The following PTPRK variants were observed in gnomAD, a reference collection of about 807,000 sequenced individuals.
The protein encoded by PTPRK is receptor-type tyrosine-protein phosphatase kappa.
PTPRK carries 75 observed loss-of-function variants against 178.0 expected under a neutral mutation model. That is an observed-to-expected ratio of 0.42 (90% CI 0.35 to 0.51). The LOEUF (loss-of-function observed/expected upper bound fraction) is 0.51, where lower values mean the gene tolerates loss of function less well. Among genes scored for constraint, PTPRK ranks in the 20% least tolerant of loss-of-function variants. PTPRK has a pLI of 0.02. For missense variants in PTPRK, 1,441 were observed against 1,797.8 expected, an observed-to-expected ratio of 0.80 and a Z score of 3.59; for synonymous variants, 637 against 620.6, an observed-to-expected ratio of 1.03 and a Z score of -0.39.
intron 6 of PTPRK, among the ~76,000 whole-genome samples, chr6:128,216,547 A>AT: frequency 6.6e-6 from 1 of 151,986 alleles, no homozygotes; most frequent in East Asian, 1.9e-4. Flanking sequence ...AAAAATAAAA[A>AT]AAAAAAAAAA....
chr6:128,439,759 G>A (rs898981841), intron 1 of PTPRK, among the ~76,000 whole-genome samples: 2 of 152,128 alleles, frequency 1.3e-5, no homozygotes, highest in African/African-American at 2.4e-5. Flanking sequence ...CATCTGAATG[G>A]TTCCCAGAGT....
chr6:128,091,803 C>G (rs1396897693), intron 7 of PTPRK, among the ~76,000 whole-genome samples: 1 of 152,128 alleles, frequency 6.6e-6, no homozygotes, highest in Non-Finnish European at 1.5e-5. Context: ...TAAGTCATCA[C>G]TCTCTCACGC....
chr6:128,444,081 G>C (rs1348699380), intron 1 of PTPRK, among the ~76,000 whole-genome samples: 1 of 152,120 alleles, frequency 6.6e-6, no homozygotes, highest in African/African-American at 2.4e-5. Context: ...TTGAACTCCT[G>C]ACCTTGTGAT....
At chr6:128,233,459 C>T (rs946446414) in intron 5 of PTPRK, among the ~76,000 whole-genome samples, 3 of 152,312 alleles carry the variant, frequency 2.0e-5, no homozygotes, top group African/African-American at 4.8e-5. Flanking sequence ...TCACTGAGAA[C>T]GGTTGGTACA....
chr6:128,150,170 G>T (rs1797052865), intron 7 of PTPRK, among the ~76,000 whole-genome samples: 2 of 152,082 alleles, frequency 1.3e-5, no homozygotes. Context: ...CAGTAAACCA[G>T]ACTCAAAACT....
rs1174612862 is a variant in PTPRK, at chr6:128,464,620, C to CATATAT, written c.100+55633_100+55638dup. Among the ~76,000 whole-genome samples, 74 of 88,810 alleles carry CATATAT rather than the reference C, an allele frequency of 8.3e-4. 1 individual carries two copies. The highest frequency in any genetic ancestry group is 1.1e-3 in the Non-Finnish European group (52 of 45,558). The allele number at this position is 88,810 out of a possible 152,430, so 58.3% of individuals were successfully genotyped here. A position where few individuals can be genotyped will look rare whatever the true frequency, so the allele number is the denominator to read the frequency against. ...GTTTAAATATATATATATACATATACATATATATATATATACACATATATA... is the reference window on the plus strand; with the variant it reads ...GTTTAAATATATATATATACATATACATATATATATATATATATATACACATATATA... On this transcript the variant is annotated intron_variant, in intron 1 of 29. Transcript: ENST00000368226.
At chr6:127,997,125 T>G in intron 16 of PTPRK, 137 bp from the exon 17 acceptor site, 1 of 821,018 alleles carries the variant, frequency 1.2e-6, no homozygotes, top group Non-Finnish European at 1.9e-6. Context: ...CAAGTTTCAT[T>G]CTCAGACCTC....
At chr6:128,197,232 T>C (rs1367937587) in intron 6 of PTPRK, among the ~76,000 whole-genome samples, 12 of 149,686 alleles carry the variant, frequency 8.0e-5, no homozygotes, top group African/African-American at 2.7e-4. Flanking sequence ...TCAGGATACA[T>C]GTGCAGAACA....
chr6:128,407,633 C>CAAAAAAAAAAAAAAAAA (rs56189580), intron 1 of PTPRK, among the ~76,000 whole-genome samples: 1 of 97,774 alleles, frequency 1.0e-5, no homozygotes, highest in Non-Finnish European at 1.9e-5. Flanking sequence ...AAGACCCTAT[C>CAAAAAAAAAAAAAAAAA]AAAAAAAAAA....
At chr6:128,466,182 G>A (rs1234799410) in intron 1 of PTPRK, among the ~76,000 whole-genome samples, 1 of 152,138 alleles carries the variant, frequency 6.6e-6, no homozygotes, top group African/African-American at 2.4e-5. Flanking sequence ...AGCAACTACT[G>A]TCAGTTTACT....
rs1405576171 is a variant in PTPRK at position 128,210,383 on chromosome 6, G to A, written c.868+8539C>T. Among the ~76,000 whole-genome samples the A allele has an allele frequency of 4.4e-5, 4 of 91,362 alleles. No homozygotes were observed. The Admixed American group carries it at 4.7e-4, about 11-fold the overall frequency. 59.9% of individuals were successfully genotyped at this position (91,362 alleles called of 152,430 possible). On this transcript the variant is annotated intron_variant, in intron 6 of 29. Coordinates refer to ENST00000368226, the MANE Select transcript of PTPRK (RefSeq NM_002844.4). ...AACTCCGGAGGAAAAAAAAAAAACA[G>A]TAAAACAAAATCAATGAATTCTCTT... is the stretch of plus-strand genomic sequence containing the variant.
At chr6:128,217,764 T>G (rs910851081) in intron 6 of PTPRK, among the ~76,000 whole-genome samples, 1 of 152,050 alleles carries the variant, frequency 6.6e-6, no homozygotes, top group African/African-American at 2.4e-5. Flanking sequence ...ATACCCCTAC[T>G]TGGGCAACTT....
At chr6:128,078,706 C>T in intron 11 of PTPRK, 107 bp downstream of exon 11, 5 of 603,246 alleles carry the variant, frequency 8.3e-6, no homozygotes, top group South Asian at 4.1e-5. Flanking sequence ...AAACATAGTA[C>T]AGTCTGTATA....
At chr6:128,232,648 C>T (rs1482503448) in intron 5 of PTPRK, among the ~76,000 whole-genome samples, 1 of 152,178 alleles carries the variant, frequency 6.6e-6, no homozygotes, top group Non-Finnish European at 1.5e-5. Flanking sequence ...ATATTCCTTA[C>T]ATTACAAGGT....
chr6:128,029,064 G>A (rs951895060), intron 13 of PTPRK, among the ~76,000 whole-genome samples: 8 of 152,126 alleles, frequency 5.3e-5, no homozygotes, highest in Admixed American at 5.2e-4. Context: ...ATGCTGAGAT[G>A]TATTCCCCAA....
rs1781998681 is a variant in PTPRK, at chr6:128,067,429, T to TTTTTG, written c.2157+89_2157+90insCAAAA. 15 of 1,338,574 alleles carry TTTTTG rather than the reference T, an allele frequency of 1.1e-5. No homozygotes were observed. The East Asian group carries it at 3.7e-4, about 33-fold the overall frequency. 82.9% of individuals were successfully genotyped at this position (1,338,574 alleles called of 1,614,324 possible). On this transcript the variant is annotated intron_variant, in intron 12 of 29. Transcript: ENST00000368226. ...ATGCAAATTTTCTTTTTCTTTTTTTTTTTCTTGACGGATGCTACTGAGTAT... is the reference window on the plus strand; with the variant it reads ...ATGCAAATTTTCTTTTTCTTTTTTTTTTTTGTTTCTTGACGGATGCTACTGAGTAT...
At chr6:128,227,077 C>T (rs1236787738) in intron 5 of PTPRK, among the ~76,000 whole-genome samples, 1 of 152,084 alleles carries the variant, frequency 6.6e-6, no homozygotes. Context: ...CTTAGATATA[C>T]TCCTAATCAA....
At chr6:128,338,826 T>C (rs577325928) in intron 2 of PTPRK, among the ~76,000 whole-genome samples, 4 of 152,202 alleles carry the variant, frequency 2.6e-5, no homozygotes, top group South Asian at 2.1e-4. Flanking sequence ...TCTGGGGCTA[T>C]AAAAACTCAT....
intron 7 of PTPRK, among the ~76,000 whole-genome samples, chr6:128,117,885 T>C (rs1791809738): frequency 1.3e-5 from 2 of 152,168 alleles, no homozygotes; most frequent in Non-Finnish European, 2.9e-5. Context: ...ACTCCTGACC[T>C]CAGGCAATCC....
Sources: gnomAD v4.1 joint callset for allele counts (sites outside exome capture counted in the v4.1 genomes callset) on GRCh38, gnomAD v4.1.1 for gene constraint, MANE v1.5 for transcripts, NCBI Gene and HGNC (gene_info 2026-07-23, HGNC 2026-07-21) for gene names.